The following CDH17 variants were observed in gnomAD, a reference collection of about 807,000 sequenced individuals.
CDH17 encodes the protein cadherin 17.
A neutral mutation model predicts 86.3 loss-of-function variants in CDH17; 67 were observed. The ratio of observed to expected loss-of-function variants is 0.78; its 90% CI spans 0.64 to 0.95. CDH17 has a LOEUF of 0.95. Ranked by LOEUF, CDH17 falls within the 40% of genes least tolerant of loss-of-function variation. CDH17 has a pLI of 0.00. For synonymous variants in CDH17, 367 were observed against 366.4 expected (o/e 1.00, Z -0.02); for missense variants, 993 against 1,017.6 (o/e 0.98, Z 0.33).
intron 1 of CDH17, among the ~76,000 whole-genome samples, chr8:94,214,561 G>A (rs1006717638): frequency 6.6e-5 from 10 of 152,230 alleles, no homozygotes; most frequent in East Asian, 5.8e-4. Context: ...GAAGAAAGCA[G>A]GGGTAAATCT....
intron 15 of CDH17, among the ~76,000 whole-genome samples, chr8:94,142,791 T>C (rs906180653): frequency 1.1e-4 from 16 of 152,338 alleles, no homozygotes; most frequent in African/African-American, 3.4e-4. Context: ...GAAGCAACTC[T>C]CATTCATTCC....
chr8:94,174,621 C>A (rs186961850), intron 5 of CDH17, among the ~76,000 whole-genome samples: 132 of 152,170 alleles, frequency 8.7e-4, no homozygotes, highest in Non-Finnish European at 1.7e-3. Flanking sequence ...TTTAAGAAAC[C>A]ACAATTTATT....
At chr8:94,165,228 C>T (rs1813129556) in intron 10 of CDH17, among the ~76,000 whole-genome samples, 1 of 152,210 alleles carries the variant, frequency 6.6e-6, no homozygotes, top group Non-Finnish European at 1.5e-5. Flanking sequence ...GAGACCTCAA[C>T]TCCCCTGGAC....
intron 15 of CDH17, among the ~76,000 whole-genome samples, chr8:94,135,127 T>C (rs967228071): frequency 5.3e-5 from 8 of 152,208 alleles, no homozygotes; most frequent in Non-Finnish European, 8.8e-5. Context: ...GAGAAGAATG[T>C]ATATTCTGTT....
chr8:94,146,618 T>C (rs1349025101), intron 14 of CDH17, among the ~76,000 whole-genome samples: 1 of 152,250 alleles, frequency 6.6e-6, no homozygotes, highest in Non-Finnish European at 1.5e-5. Context: ...CCACAGACAT[T>C]ATTTACTATA....
At chr8:94,214,614 A>G (rs1425733428) in intron 1 of CDH17, among the ~76,000 whole-genome samples, 2 of 152,220 alleles carry the variant, frequency 1.3e-5, no homozygotes, top group African/African-American at 4.8e-5. Flanking sequence ...CTATGACACC[A>G]AAAGCACAAA....
At chr8:94,139,677 C>T (rs548320633) in intron 15 of CDH17, among the ~76,000 whole-genome samples, 61 of 152,070 alleles carry the variant, frequency 4.0e-4, no homozygotes, top group African/African-American at 1.4e-3. Flanking sequence ...CTGGGGCAGG[C>T]AGATTACTTG....
At position 94,165,754 on chromosome 8, in the gene CDH17, T is replaced by C; in HGVS notation, c.1282+7A>G. ...TTTGCACTCAAGACGGTGGATATGATACTAACCTTTGTCAGACACCTCTAT... is the reference window on the plus strand; with the variant it reads ...TTTGCACTCAAGACGGTGGATATGACACTAACCTTTGTCAGACACCTCTAT... On this transcript the variant is annotated splice_region_variant and intron_variant, in intron 10 of 17. Transcript: ENST00000027335. The C allele has an allele frequency of 6.3e-7, 1 of 1,585,164 alleles. No individual in the cohort carries two copies. The highest frequency in any genetic ancestry group is 1.3e-5 in the African/African-American group (1 of 74,424).
At chr8:94,137,202 G>A (rs1427561525) in intron 15 of CDH17, among the ~76,000 whole-genome samples, 1 of 152,226 alleles carries the variant, frequency 6.6e-6, no homozygotes, top group East Asian at 1.9e-4. Context: ...GTTTAAGTCT[G>A]CAGAAGTTAT....
chr8:94,172,423 C>G (rs1813286826), intron 7 of CDH17, among the ~76,000 whole-genome samples: 1 of 151,934 alleles, frequency 6.6e-6, no homozygotes, highest in Admixed American at 6.6e-5. Context: ...TTCCAGGGCC[C>G]CTTAACAATA....
chr8:94,214,452 A>C (rs1814166387), intron 1 of CDH17, among the ~76,000 whole-genome samples: 1 of 152,228 alleles, frequency 6.6e-6, no homozygotes. Context: ...TGATCTTCAC[A>C]TGCAAAACAA....
intron 11 of CDH17, 27 bp downstream of exon 11, chr8:94,162,058 GA>G (rs78214329): frequency 0.31 from 413,197 of 1,353,994 alleles, 65,830 homozygotes; most frequent in Middle Eastern, 0.33. Context: ...ATAAAGTAAA[GA>G]AAAAACAAAT....
chr8:94,137,687 T>C (rs1229487237), intron 15 of CDH17, among the ~76,000 whole-genome samples: 1 of 139,566 alleles, frequency 7.2e-6, no homozygotes, highest in African/African-American at 2.7e-5. Flanking sequence ...GCGCACTACA[T>C]AAACTGCAAA....
chr8:94,157,021 G>T (rs919371599), intron 12 of CDH17, among the ~76,000 whole-genome samples: 1 of 152,096 alleles, frequency 6.6e-6, no homozygotes, highest in African/African-American at 2.4e-5. Flanking sequence ...CAAGTTCCCG[G>T]CTCTGCCATC....
chr8:94,175,640 C>T (rs1563580047), intron 5 of CDH17, among the ~76,000 whole-genome samples: 1 of 152,086 alleles, frequency 6.6e-6, no homozygotes, highest in Non-Finnish European at 1.5e-5. Flanking sequence ...CTGCTGGACA[C>T]ACTCACGCCT....
At chr8:94,194,971 T>C (rs1486938515) in intron 1 of CDH17, among the ~76,000 whole-genome samples, 1 of 152,216 alleles carries the variant, frequency 6.6e-6, no homozygotes, top group African/African-American at 2.4e-5. Flanking sequence ...ATCTTCTTCA[T>C]TTCAGCGTCT....
In CDH17 at chr8:94,159,997, T is replaced by C; in HGVS notation, c.1525A>G (p.Asn509Asp). 6.2e-7 allele frequency: 1 copy of C among 1,610,774 alleles called. No individual in the cohort carries two copies. Among genetic ancestry groups the C allele is most frequent in the Non-Finnish European group, 8.5e-7 (1 of 1,178,804 alleles). The change falls in exon 12 of 18, where the codon AAC (asparagine) becomes GAC (aspartate). Residue 509 changes from asparagine to aspartate, a missense_variant. Physicochemically the swap from Asn to Asp is conservative, Grantham distance 23 (BLOSUM62 1). Coordinates refer to ENST00000027335, the MANE Select transcript of CDH17 (RefSeq NM_004063.4). Reference protein sequence around the residue: ...RLGVDTDPHTNTGYVIIKKPL... With the variant: ...RLGVDTDPHTDTGYVIIKKPL... ...TTTTTAATTATGACATATCCGGTGT[T>C]GGTATGGGGATCTGTGTCAACCCCC...
Position 94,167,422 on chromosome 8 carries a change from G to A in CDH17, c.1067-1446C>T, listed in dbSNP as rs116355855. Among the ~76,000 whole-genome samples, 118 of 152,226 alleles carry A rather than the reference G, an allele frequency of 7.8e-4. 1 individual carries two copies. The highest frequency in any genetic ancestry group is 3.4e-3 in the Middle Eastern group (1 of 292). Reference sequence around the variant, plus strand: ...GCTGACACAGTTTGCATCCACTGACGCATATGGAAATTTAGAGGTTTTTTG... The same window carrying A: ...GCTGACACAGTTTGCATCCACTGACACATATGGAAATTTAGAGGTTTTTTG... On this transcript the variant is annotated intron_variant, in intron 9 of 17. Transcript: ENST00000027335.
At position 94,160,025 on chromosome 8, in the gene CDH17, G is replaced by A; in HGVS notation, c.1497C>T (p.Arg499=). Residue 499 remains arginine, a synonymous_variant, in exon 12 of 18, where the codon CGC becomes CGT. Transcript: ENST00000027335. ...TATGGGGATCTGTGTCAACCCCCAG[G>A]CGTCCCTCACTGTCTCCCTTTATGA... ...YHIIKGDSEG[R]LGVDTDPHTN... is the part of the protein sequence containing the mutation. 8 of 1,613,716 alleles carry A rather than the reference G, an allele frequency of 5.0e-6. No individual in the cohort carries two copies. The highest frequency in any genetic ancestry group is 6.8e-6 in the Non-Finnish European group (8 of 1,179,776).
Sources: gnomAD v4.1 joint callset for allele counts (sites outside exome capture counted in the v4.1 genomes callset) on GRCh38, gnomAD v4.1.1 for gene constraint, MANE v1.5 for transcripts, NCBI Gene and HGNC (gene_info 2026-07-23, HGNC 2026-07-21) for gene names.